KANK1: variants seen among roughly 807,000 people sequenced by gnomAD.
KANK1 encodes KN motif and ankyrin repeat domains 1.
A neutral mutation model predicts 106.2 loss-of-function variants in KANK1; 109 were observed. The observed-to-expected ratio is 1.03, with a 90% confidence interval of 0.88 to 1.20. The LOEUF (loss-of-function observed/expected upper bound fraction) is 1.20. Ranked by LOEUF, KANK1 falls within the 50% of genes most tolerant of loss-of-function variation. The pLI is 0.00. For synonymous variants in KANK1, 873 were observed against 652.2 expected, an observed-to-expected ratio of 1.34 and a Z score of -5.16; for missense variants, 2,399 against 1,710.7, an observed-to-expected ratio of 1.40 and a Z score of -7.10.
At chr9:495,817 A>T (rs1475004677) in intron 3 of KANK1, among the ~76,000 whole-genome samples, 1 of 152,198 alleles carries the variant, frequency 6.6e-6, no homozygotes, top group African/African-American at 2.4e-5. Flanking sequence ...CTGAGGCTCA[A>T]ATGACAGCTC....
intron 1 of KANK1, among the ~76,000 whole-genome samples, chr9:665,285 G>A (rs1362212977): frequency 2.6e-5 from 4 of 152,084 alleles, no homozygotes; most frequent in African/African-American, 9.7e-5. Context: ...TCTTTTATTA[G>A]TTTTATAATT....
intron 1 of KANK1, among the ~76,000 whole-genome samples, chr9:562,330 G>A (rs1203414650): frequency 6.6e-6 from 1 of 152,076 alleles, no homozygotes; most frequent in Non-Finnish European, 1.5e-5. Context: ...GGGATTACAG[G>A]CGTGAGCCAC....
At chr9:657,478 T>C (rs1370383766) in intron 1 of KANK1, among the ~76,000 whole-genome samples, 3 of 152,200 alleles carry the variant, frequency 2.0e-5, no homozygotes, top group South Asian at 4.1e-4. Context: ...TGCACCATTT[T>C]ACAGTTTCAC....
intron 1 of KANK1, chr9:660,093 A>C: frequency 2.3e-6 from 1 of 430,324 alleles, no homozygotes; most frequent in Non-Finnish European, 4.6e-6. Flanking sequence ...GAATTCATCC[A>C]ACAGAGAAAT....
chr9:720,535 G>C (rs1829026448), intron 3 of KANK1, among the ~76,000 whole-genome samples: 1 of 152,188 alleles, frequency 6.6e-6, no homozygotes, highest in African/African-American at 2.4e-5. Context: ...TGTTCTGTTT[G>C]TTAGAGAGGG....
Position 690,837 on chromosome 9 carries a change from G to C in KANK1, c.37+13828G>C, listed in dbSNP as rs6477110. Among the ~76,000 whole-genome samples the C allele has an allele frequency of 2.6e-5, 4 of 152,134 alleles. No individual in the cohort carries two copies. In the East Asian group the frequency reaches 7.7e-4, roughly 29 times the overall value. On this transcript the variant is annotated intron_variant, in intron 2 of 11. Transcript: ENST00000382297. ...AGGGATAAAGACTGTGCTGGTATACGCTCAGCCAGCCTGGTACCACAGAAG... is the reference window on the plus strand; with the variant it reads ...AGGGATAAAGACTGTGCTGGTATACCCTCAGCCAGCCTGGTACCACAGAAG...
chr9:556,218 G>C (rs1488597631), intron 1 of KANK1, among the ~76,000 whole-genome samples: 2 of 152,182 alleles, frequency 1.3e-5, no homozygotes, highest in Non-Finnish European at 1.5e-5. Flanking sequence ...CAAAAAGTGA[G>C]AAGTATTAGA....
At chr9:737,461 A>C (rs112919575) in intron 7 of KANK1, among the ~76,000 whole-genome samples, 5 of 152,358 alleles carry the variant, frequency 3.3e-5, no homozygotes, top group African/African-American at 1.2e-4. Flanking sequence ...ATGAAGGCCC[A>C]TTGAAAAGAC....
At chr9:666,906 T>C (rs1034170140) in intron 1 of KANK1, among the ~76,000 whole-genome samples, 14 of 145,882 alleles carry the variant, frequency 9.6e-5, no homozygotes, top group Non-Finnish European at 1.5e-5. Context: ...GTTGTCTTTT[T>C]TTTTTTTTTT....
chr9:615,078 C>G (rs540162287), intron 1 of KANK1, among the ~76,000 whole-genome samples: 1 of 151,790 alleles, frequency 6.6e-6, no homozygotes, highest in African/African-American at 2.4e-5. Flanking sequence ...TAGCTGGTAC[C>G]AAAGGTGTGC....
chr9:556,679 T>C (rs2061605685), intron 1 of KANK1, among the ~76,000 whole-genome samples: 1 of 30,708 alleles, frequency 3.3e-5, no homozygotes, highest in African/African-American at 1.3e-4. Flanking sequence ...CTCAAATTGC[T>C]AGCCCCTTTG....
intron 3 of KANK1, among the ~76,000 whole-genome samples, chr9:487,053 T>C (rs1397392585): frequency 6.6e-6 from 1 of 152,202 alleles, no homozygotes; most frequent in Non-Finnish European, 1.5e-5. Flanking sequence ...CTGGAAGTTA[T>C]TTTTATGTAG....
Position 643,693 on chromosome 9 carries a change from G to T in KANK1, c.-83-33197G>T, listed in dbSNP as rs183742556. On this transcript the variant is annotated intron_variant, in intron 1 of 11. Transcript: ENST00000382297. ...ATGTGCCTAGCATTGATTTGTGGGGGTTTTTTGTTTTTTTTGGGTTTTTTT... is the reference window on the plus strand; with the variant it reads ...ATGTGCCTAGCATTGATTTGTGGGGTTTTTTTGTTTTTTTTGGGTTTTTTT... Among the ~76,000 whole-genome samples the T allele has an allele frequency of 1.4e-4, 21 of 148,938 alleles. 1 individual carries two copies. The highest frequency in any genetic ancestry group is 7.8e-4 in the East Asian group (4 of 5,148).
chr9:664,745 C>A (rs1367952623), intron 1 of KANK1, among the ~76,000 whole-genome samples: 1 of 152,120 alleles, frequency 6.6e-6, no homozygotes, highest in African/African-American at 2.4e-5. Context: ...TTTGAGGAAC[C>A]TCTGAAGTGT....
At chr9:647,438 T>C (rs764721050) in intron 1 of KANK1, among the ~76,000 whole-genome samples, 1 of 151,024 alleles carries the variant, frequency 6.6e-6, no homozygotes, top group Non-Finnish European at 1.5e-5. Context: ...TCACTTCATA[T>C]CTCTTTGGTC....
chr9:560,863 G>C (rs1402201447), intron 1 of KANK1, among the ~76,000 whole-genome samples: 1 of 152,110 alleles, frequency 6.6e-6, no homozygotes, highest in East Asian at 1.9e-4. Context: ...GCTTCCTAGA[G>C]TCGGGGGAAA....
At chr9:594,060 G>A (rs991088109) in intron 1 of KANK1, among the ~76,000 whole-genome samples, 1 of 151,830 alleles carries the variant, frequency 6.6e-6, no homozygotes, top group Non-Finnish European at 1.5e-5. Context: ...TGCTGCGCTC[G>A]AGAGAACTGT....
chr9:631,037 G>A (rs1172895147), intron 1 of KANK1, among the ~76,000 whole-genome samples: 1 of 152,158 alleles, frequency 6.6e-6, no homozygotes, highest in South Asian at 2.1e-4. Flanking sequence ...GGGTATGACT[G>A]GTTGGTAGAA....
chr9:515,741 A>AT (rs1215371385), intron 1 of KANK1, among the ~76,000 whole-genome samples: 1 of 151,830 alleles, frequency 6.6e-6, no homozygotes, highest in Non-Finnish European at 1.5e-5. Context: ...CTGATGCACC[A>AT]TTTTTTAAAG....
Sources: gnomAD v4.1 joint callset for allele counts (sites outside exome capture counted in the v4.1 genomes callset) on GRCh38, gnomAD v4.1.1 for gene constraint, MANE v1.5 for transcripts, NCBI Gene and HGNC (gene_info 2026-07-23, HGNC 2026-07-21) for gene names.